GPHN: variants seen among roughly 807,000 people sequenced by gnomAD.
The protein encoded by GPHN is gephyrin.
GPHN carries 17 observed loss-of-function variants against 95.5 expected under a neutral mutation model. The ratio of observed to expected loss-of-function variants is 0.18; its 90% CI spans 0.12 to 0.27. GPHN has a LOEUF of 0.27. Among genes scored for constraint, GPHN ranks in the 10% least tolerant of loss-of-function variants. GPHN has a pLI of 1.00. For synonymous variants in GPHN, 320 were observed against 322.5 expected, an observed-to-expected ratio of 0.99 and a Z score of 0.08; for missense variants, 660 against 978.1, an observed-to-expected ratio of 0.67 and a Z score of 4.34.
intron 18 of GPHN, among the ~76,000 whole-genome samples, chr14:67,148,717 T>C (rs1453693435): frequency 2.0e-5 from 3 of 151,808 alleles, no homozygotes; most frequent in African/African-American, 7.3e-5. Context: ...CCTGCCACCA[T>C]GCCCAGCTAA....
intron 13 of GPHN, among the ~76,000 whole-genome samples, chr14:67,109,594 A>T (rs1327089996): frequency 6.6e-6 from 1 of 152,220 alleles, no homozygotes; most frequent in East Asian, 1.9e-4. Context: ...CTCAACCTCT[A>T]TTATTAATTG....
chr14:67,434,550 A>G, the GPHN span, among the ~76,000 whole-genome samples: 2 of 152,206 alleles, frequency 1.3e-5, no homozygotes, highest in Admixed American at 1.3e-4. Flanking sequence ...TTTTATCAAG[A>G]AGGTCAGTTT....
At chr14:66,840,148 A>G (rs1280167663) in intron 4 of GPHN, among the ~76,000 whole-genome samples, 1 of 152,028 alleles carries the variant, frequency 6.6e-6, no homozygotes, top group African/African-American at 2.4e-5. Context: ...GCATGATGAC[A>G]TGCCCCTGTA....
chr14:67,322,649 A>G, the GPHN span, among the ~76,000 whole-genome samples: 2 of 152,216 alleles, frequency 1.3e-5, no homozygotes, highest in African/African-American at 2.4e-5. Flanking sequence ...TTTTTGATTT[A>G]AGAGAAGTAT....
intron 1 of GPHN, among the ~76,000 whole-genome samples, chr14:66,556,319 G>A (rs936321192): frequency 1.3e-5 from 2 of 152,080 alleles, no homozygotes; most frequent in African/African-American, 4.8e-5. Flanking sequence ...GTAGTTGATG[G>A]TCAGTACATC....
At chr14:67,650,535 TTTAAC>T in the GPHN span, 1 of 612,730 alleles carries the variant, frequency 1.6e-6, no homozygotes, top group Non-Finnish European at 2.9e-6. Flanking sequence ...ACAACAGTGT[TTTAAC>T]TTAAATTCAT....
chr14:67,691,854 AC>A, the GPHN span: 1 of 154,710 alleles, frequency 6.5e-6, no homozygotes, highest in African/African-American at 2.4e-5. Flanking sequence ...ATAGAGTATT[AC>A]ACACACATAC....
At chr14:67,392,195 C>G in the GPHN span, 6 of 680,926 alleles carry the variant, frequency 8.8e-6, no homozygotes, top group Non-Finnish European at 1.6e-5. Context: ...GTGCTGGGCT[C>G]TTGCTTTCGT....
the GPHN span, among the ~76,000 whole-genome samples, chr14:67,358,308 T>C: frequency 3.3e-5 from 5 of 152,146 alleles, no homozygotes; most frequent in African/African-American, 9.7e-5. Context: ...TATTAGAAAG[T>C]CAACAGGTGA....
At chr14:67,585,455 G>C in the GPHN span, 1 of 690,222 alleles carries the variant, frequency 1.4e-6, no homozygotes, top group Non-Finnish European at 2.5e-6. Context: ...AGATGAGGTG[G>C]CTGGAAATCA....
chr14:67,452,325 C>CA, the GPHN span, among the ~76,000 whole-genome samples: 2,036 of 107,826 alleles, frequency 0.019, 22 homozygotes, highest in Non-Finnish European at 0.027. Context: ...GACTCTGTCT[C>CA]AAAAAAAAAA....
Position 67,058,722 on chromosome 14 carries a change from C to A in GPHN, c.1080C>A (p.Asp360Glu). The stretch of plus-strand genomic sequence containing the variant: ...CTCCTTTTCCTCTGACATCTATGGA[C>A]AAAGCCTTTATCACAGTCCTGGAGA... ...RMSPFPLTSM[D>E]KAFITVLEMT... Residue 360 changes from aspartate to glutamate, a missense_variant, in exon 11 of 23, where the codon GAC becomes GAA. Asp to Glu is a conservative substitution (Grantham distance 45). Coordinates refer to ENST00000478722, the MANE Select transcript of GPHN (RefSeq NM_020806.5). 1 of 1,613,262 alleles carries A rather than the reference C, an allele frequency of 6.2e-7. No individual in the cohort carries two copies. The highest frequency in any genetic ancestry group is 8.5e-7 in the Non-Finnish European group (1 of 1,179,214).
the GPHN span, among the ~76,000 whole-genome samples, chr14:67,539,220 T>G: frequency 6.6e-6 from 1 of 152,210 alleles, no homozygotes; most frequent in Admixed American, 6.5e-5. Context: ...TCTGAGAGCC[T>G]TACAAGGTTC....
chr14:67,134,120 GT>G (rs1168602616), intron 17 of GPHN, among the ~76,000 whole-genome samples: 1 of 152,198 alleles, frequency 6.6e-6, no homozygotes, highest in East Asian at 1.9e-4. Context: ...TTATTCTGAT[GT>G]TAGCTAGTCC....
At chr14:66,545,190 G>A (rs1268651882) in intron 1 of GPHN, among the ~76,000 whole-genome samples, 1 of 149,794 alleles carries the variant, frequency 6.7e-6, no homozygotes, top group African/African-American at 2.5e-5. Context: ...CGGACGGAGC[G>A]GCTGGCCGGG....
the GPHN span, among the ~76,000 whole-genome samples, chr14:67,728,703 T>TTG: frequency 7.0e-6 from 1 of 142,154 alleles, no homozygotes; most frequent in African/African-American, 2.7e-5. Flanking sequence ...GGATATCTTG[T>TTG]GGGGGGGGGG....
At chr14:67,016,614 T>C (rs1410226389) in intron 9 of GPHN, among the ~76,000 whole-genome samples, 3 of 152,112 alleles carry the variant, frequency 2.0e-5, no homozygotes, top group Non-Finnish European at 4.4e-5. Context: ...TGACCTGAGT[T>C]AAAACCCCTA....
chr14:66,727,347 G>A (rs544020312), intron 2 of GPHN, among the ~76,000 whole-genome samples: 1 of 152,302 alleles, frequency 6.6e-6, no homozygotes, highest in East Asian at 1.9e-4. Flanking sequence ...TACCAGTAGT[G>A]TGGGGTGCTG....
At chr14:67,325,551 A>G in the GPHN span, among the ~76,000 whole-genome samples, 7 of 152,162 alleles carry the variant, frequency 4.6e-5, no homozygotes, top group Non-Finnish European at 8.8e-5. Context: ...GAGGATCACA[A>G]TATAACAAGA....
Sources: allele counts gnomAD v4.1 joint callset (sites outside exome capture counted in the v4.1 genomes callset), GRCh38; gene constraint gnomAD v4.1.1; transcripts MANE v1.5; gene names NCBI Gene and HGNC (gene_info 2026-07-23, HGNC 2026-07-21).